Variants in EEF1B2 observed in about 807,000 individuals in gnomAD.
EEF1B2 encodes elongation factor 1-beta.
A neutral mutation model predicts 28.3 loss-of-function variants in EEF1B2; 12 were observed. The ratio of observed to expected loss-of-function variants is 0.42; its 90% CI spans 0.27 to 0.69. The LOEUF is 0.69. Ranked by LOEUF, EEF1B2 falls within the 30% of genes least tolerant of loss-of-function variation. The pLI is 0.22. For missense variants in EEF1B2, 234 were observed against 272.6 expected (o/e 0.86, Z 1.00); for synonymous variants, 83 against 99.9 (o/e 0.83, Z 1.01).
chr2:206,160,028 G>A lies in EEF1B2; in HGVS notation c.49G>A (p.Asp17Asn). ...KSPAGLQVLN[D>N]YLADKSYIEG... ...CCCTGCCGGCCTCCAGGTGCTCAAC[G>A]ATTACCTGGCGGACAAGAGCTACAT... Residue 17 changes from aspartate to asparagine, a missense_variant, in exon 1 of 6, where the codon GAT becomes AAT. Asp to Asn is a conservative substitution (Grantham distance 23). Transcript: ENST00000392222. 3 of 1,613,386 alleles carry A rather than the reference G, an allele frequency of 1.9e-6. No homozygotes were observed. The highest frequency in any genetic ancestry group is 2.5e-6 in the Non-Finnish European group (3 of 1,179,756).
chr2:206,161,861 C>T (rs749004886), intron 3 of EEF1B2, 177 bp from the exon 4 acceptor site: 2 of 761,936 alleles, frequency 2.6e-6, no homozygotes, highest in Admixed American at 1.7e-5. Flanking sequence ...AATTTATATG[C>T]CTTTTTCAAA....
At position 206,161,394 on chromosome 2, in the gene EEF1B2, G is replaced by A; in HGVS notation, c.252G>A (p.Val84=). ...KALGKYGPAD[V]EDTTGSGATD... ...TGGGCAAATATGGTCCTGCCGATGTGGAAGACACTACAGGAAGTGGAGCTA... is the reference window on the plus strand; with the variant it reads ...TGGGCAAATATGGTCCTGCCGATGTAGAAGACACTACAGGAAGTGGAGCTA... The change falls in exon 3 of 6, where the codon GTG becomes GTA. Residue 84 remains valine, a synonymous_variant. Transcript: ENST00000392222. 1 of 1,614,118 alleles carries A rather than the reference G, an allele frequency of 6.2e-7. No individual in the cohort carries two copies. The highest frequency in any genetic ancestry group is 8.5e-7 in the Non-Finnish European group (1 of 1,180,012).
chr2:206,159,629 T>G, upstream of EEF1B2: 1 of 230,678 alleles, frequency 4.3e-6, no homozygotes, highest in East Asian at 9.9e-5. Flanking sequence ...CCGGGCGTCT[T>G]CGGTCATCTC....
chr2:206,160,773 AC>A, intron 2 of EEF1B2, 63 bp downstream of exon 2: 2 of 1,612,516 alleles, frequency 1.2e-6, no homozygotes, highest in Non-Finnish European at 1.7e-6. Context: ...CAGGATGTTC[AC>A]ATGACAAAAC....
At chr2:206,160,879 C>A in intron 2 of EEF1B2, 169 bp downstream of exon 2, 2 of 1,017,898 alleles carry the variant, frequency 2.0e-6, no homozygotes, top group Non-Finnish European at 3.0e-6. Context: ...CATTTTTTCA[C>A]AGAACAGGTA....
chr2:206,162,327 C>T (rs1329237037), intron 4 of EEF1B2, 162 bp from the exon 5 acceptor site: 11 of 1,275,986 alleles, frequency 8.6e-6, no homozygotes, highest in Non-Finnish European at 1.1e-5. Flanking sequence ...CTTAGCAAAA[C>T]AGAAAGTGGG....
In EEF1B2 at chr2:206,160,004, C is replaced by T. The variant is rs1471173969; in HGVS notation, c.25C>T (p.Pro9Ser). 3 of 1,613,258 alleles carry T rather than the reference C, an allele frequency of 1.9e-6. No individual in the cohort carries two copies. The highest frequency in any genetic ancestry group is 2.7e-5 in the African/African-American group (2 of 74,962). ...CATGGGTTTCGGAGACCTGAAAAGC[C>T]CTGCCGGCCTCCAGGTGCTCAACGA... The part of the protein sequence containing the change: MGFGDLKS[P>S]AGLQVLNDYL... The change falls in exon 1 of 6, where the codon CCT becomes TCT. Residue 9 changes from proline to serine, a missense_variant. This residue lies in a region of EEF1B2 where 178 missense variants were observed against 173.3 expected (regional missense o/e 1.03). Transcript: ENST00000392222.
At chr2:206,162,349 GAC>G in intron 4 of EEF1B2, 138 bp from the exon 5 acceptor site, 1 of 1,377,708 alleles carries the variant, frequency 7.3e-7, no homozygotes, top group Non-Finnish European at 1.0e-6. Context: ...ATATATGTGT[GAC>G]AGACACAAGA....
chr2:206,160,427 A>T, intron 1 of EEF1B2, 161 bp from the exon 2 acceptor site: 1 of 1,311,984 alleles, frequency 7.6e-7, no homozygotes, highest in Non-Finnish European at 1.0e-6. Flanking sequence ...TGACCCAAAC[A>T]TATGGTTTGA....
At chr2:206,162,464 G>T in intron 4 of EEF1B2, 25 bp from the exon 5 acceptor site, 1 of 1,610,666 alleles carries the variant, frequency 6.2e-7, no homozygotes, top group South Asian at 1.1e-5. Context: ...TTCATTATTT[G>T]AATAATGCTG....
chr2:206,162,185 A>G, intron 4 of EEF1B2, 81 bp downstream of exon 4: 1 of 1,392,870 alleles, frequency 7.2e-7, no homozygotes, highest in Non-Finnish European at 1.0e-6. Flanking sequence ...AATTTCCTCC[A>G]CATTCCTTGA....
intron 4 of EEF1B2, 72 bp from the exon 5 acceptor site, chr2:206,162,417 T>A (rs1687960832): frequency 2.5e-6 from 4 of 1,605,094 alleles, no homozygotes; most frequent in Non-Finnish European, 3.4e-6. Flanking sequence ...TTGAGATGGA[T>A]TTGTTTGTGT....
At chr2:206,161,001 C>T in intron 2 of EEF1B2, 1 of 649,512 alleles carries the variant, frequency 1.5e-6, no homozygotes, top group Non-Finnish European at 2.8e-6. Flanking sequence ...TCATTCAGTC[C>T]TTGGCCATTC....
At chr2:206,161,288 T>G in intron 2 of EEF1B2, 58 bp from the exon 3 acceptor site, 16 of 1,600,064 alleles carry the variant, frequency 1.0e-5, no homozygotes, top group Non-Finnish European at 1.4e-5. Context: ...TATTTTGTAT[T>G]TTCTGGAAAA....
At chr2:206,162,416 ATTTG>A in intron 4 of EEF1B2, 69 bp from the exon 5 acceptor site, 1 of 1,606,096 alleles carries the variant, frequency 6.2e-7, no homozygotes, top group Admixed American at 1.7e-5. Flanking sequence ...ATTGAGATGG[ATTTG>A]TTTGTGTCTT....
chr2:206,160,740 A>T, intron 2 of EEF1B2, 30 bp downstream of exon 2: 5 of 1,613,890 alleles, frequency 3.1e-6, no homozygotes, highest in Non-Finnish European at 4.2e-6. Flanking sequence ...GAGCTGAAGA[A>T]TAAGACTGCT....
chr2:206,162,031 T>C lies in EEF1B2; in HGVS notation c.331-7T>C, dbSNP rs1483959440. 6.2e-7 allele frequency: 1 copy of C among 1,613,878 alleles called. No homozygotes were observed. Among genetic ancestry groups the C allele is most frequent in the Non-Finnish European group, 8.5e-7 (1 of 1,179,832 alleles). On this transcript the variant is annotated splice_region_variant and splice_polypyrimidine_tract_variant and intron_variant, in intron 3 of 5. Transcript: ENST00000392222. ...TTCTGAAGTGGATTAATTTTTTTTCTTTACAGGAAAGTGAAGAAGCAAAGA... is the reference window on the plus strand; with the variant it reads ...TTCTGAAGTGGATTAATTTTTTTTCCTTACAGGAAAGTGAAGAAGCAAAGA...
chr2:206,161,003 T>C, intron 2 of EEF1B2: 1 of 650,044 alleles, frequency 1.5e-6, no homozygotes. Context: ...ATTCAGTCCT[T>C]GGCCATTCTT....
intron 1 of EEF1B2, among the ~76,000 whole-genome samples, 160 bp downstream of exon 1, chr2:206,160,219 T>C (rs1687870850): frequency 6.6e-6 from 1 of 152,118 alleles, no homozygotes; most frequent in Non-Finnish European, 1.5e-5. Context: ...CCCAAGGCCC[T>C]CGTGTGGGGC....
Sources: allele counts gnomAD v4.1 joint callset (sites outside exome capture counted in the v4.1 genomes callset), GRCh38; gene constraint gnomAD v4.1.1; regional missense constraint gnomAD v4.1.1; transcripts MANE v1.5; gene names NCBI Gene and HGNC (gene_info 2026-07-23, HGNC 2026-07-21).